The following IQCH variants were observed in gnomAD, a reference collection of about 807,000 sequenced individuals.
IQCH encodes the protein IQ domain-containing protein H.
In IQCH, 98 loss-of-function variants were observed where a neutral mutation model predicts 117.0. The ratio of observed to expected loss-of-function variants is 0.84; its 90% CI spans 0.71 to 0.99. IQCH has a LOEUF of 0.99. Among genes scored for constraint, IQCH ranks in the 50% least tolerant of loss-of-function variants. IQCH has a pLI of 0.00. For synonymous variants in IQCH, 412 were observed against 448.2 expected (o/e 0.92, Z 1.02); for missense variants, 1,102 against 1,243.8 (o/e 0.89, Z 1.72).
rs1023630393 is a variant in IQCH, at chr15:67,500,220, A to AT, written c.2971-409dup. Among the ~76,000 whole-genome samples, 1 of 152,174 alleles carries AT rather than the reference A, an allele frequency of 6.6e-6. No individual in the cohort carries two copies. The highest frequency in any genetic ancestry group is 2.4e-5 in the African/African-American group (1 of 41,450). On this transcript the variant is annotated intron_variant, in intron 20 of 20. Coordinates refer to ENST00000335894, the MANE Select transcript of IQCH (RefSeq NM_001031715.3). This position sits in a 1 kb window ranked among gnomAD's most constrained non-coding sequence, Gnocchi z 4.4. ...CCTTCCCATCAGCCTATTAGCCCTCATTTTAGGGTGACTAGACCAATGCTT... is the reference window on the plus strand; with the variant it reads ...CCTTCCCATCAGCCTATTAGCCCTCATTTTTAGGGTGACTAGACCAATGCTT...
intron 4 of IQCH, among the ~76,000 whole-genome samples, chr15:67,320,356 A>G (rs1968056268): frequency 6.6e-6 from 1 of 151,668 alleles, no homozygotes; most frequent in African/African-American, 2.4e-5. Flanking sequence ...ACTCATTCCC[A>G]AAGTCTTTCT....
chr15:67,404,435 G>A lies in IQCH; in HGVS notation c.2097+4130G>A, dbSNP rs1971799743. The stretch of plus-strand genomic sequence containing the variant: ...ATGGCAGAGCTCGTTGTCCCGTCTA[G>A]AATTTAGTAGGTATTTATTAGGTGA... On this transcript the variant is annotated intron_variant, in intron 14 of 20. Transcript: ENST00000335894. The surrounding 1 kb of genome is among the most constrained non-coding windows in gnomAD (Gnocchi z 4.6). 6.6e-6 allele frequency: 1 copy of A among 152,144 alleles called. No individual in the cohort carries two copies. Among genetic ancestry groups the A allele is most frequent in the Admixed American group, 6.5e-5 (1 of 15,270 alleles). 9.4% of individuals were successfully genotyped at this position (152,144 alleles called of 1,614,324 possible).
At chr15:67,319,878 A>C (rs1435723887) in intron 4 of IQCH, among the ~76,000 whole-genome samples, 1 of 152,258 alleles carries the variant, frequency 6.6e-6, no homozygotes, top group African/African-American at 2.4e-5. Flanking sequence ...TCTTACACAC[A>C]TACATACACA....
Position 67,372,339 on chromosome 15 carries a change from CT to C in IQCH, c.984del (p.Pro329GlnfsTer5). ...AAAAGGGAATAATTTGGTGGCCCTC[CT>C]TCCAGAGTTTGAGCTGACGAATAAA... is the stretch of plus-strand genomic sequence containing the variant. ...KIKGNNLVAL[L>X]PEFELTNKLT... On this transcript the variant is annotated frameshift_variant, in exon 9 of 21. Transcript: ENST00000335894. LOFTEE classifies it high-confidence loss of function. 6.2e-7 allele frequency: 1 copy of C among 1,614,028 alleles called. No individual in the cohort carries two copies. The highest frequency in any genetic ancestry group is 8.5e-7 in the Non-Finnish European group (1 of 1,180,000).
Position 67,321,625 on chromosome 15 carries a change from C to T in IQCH, c.388-15350C>T, listed in dbSNP as rs1344556125. Among the ~76,000 whole-genome samples, 19 of 145,792 alleles carry T rather than the reference C, an allele frequency of 1.3e-4. 1 individual carries two copies. In the Admixed American group the frequency reaches 1.4e-3, roughly 11 times the overall value. ...TCTTTCCTTTCCCTCTCTTCTCTTT[C>T]TTTTTCTTCTGTGTTCTCTCTTTTT... On this transcript the variant is annotated intron_variant, in intron 4 of 20. Coordinates refer to ENST00000335894, the MANE Select transcript of IQCH (RefSeq NM_001031715.3).
At chr15:67,361,119 A>G (rs1970112349) in intron 8 of IQCH, among the ~76,000 whole-genome samples, 1 of 152,222 alleles carries the variant, frequency 6.6e-6, no homozygotes, top group Non-Finnish European at 1.5e-5. Flanking sequence ...CTCAGTTGGT[A>G]AAAGGGTGCA....
At chr15:67,373,681 T>G (rs1970641180) in intron 10 of IQCH, 7 of 593,300 alleles carry the variant, frequency 1.2e-5, no homozygotes, top group Non-Finnish European at 1.8e-5. Flanking sequence ...GTAATTCGCT[T>G]TCATCTGTAT....
rs768615203 is a variant in IQCH, at chr15:67,408,716, G to A, written c.2098-8215G>A. Reference sequence around the variant, plus strand: ...GAAAAATCAAGTTCAAAGGGCACATGTGTTTCCTTTTGTTTTTAATTTTCA... The same window carrying A: ...GAAAAATCAAGTTCAAAGGGCACATATGTTTCCTTTTGTTTTTAATTTTCA... On this transcript the variant is annotated intron_variant, in intron 14 of 20. Transcript: ENST00000335894. The surrounding 1 kb of genome is among the most constrained non-coding windows in gnomAD (Gnocchi z 4.2). Among the ~76,000 whole-genome samples the A allele has an allele frequency of 6.6e-6, 1 of 152,140 alleles. No individual in the cohort carries two copies. Among genetic ancestry groups the A allele is most frequent in the Non-Finnish European group, 1.5e-5 (1 of 68,032 alleles).
At chr15:67,415,920 A>G (rs190404159) in intron 14 of IQCH, among the ~76,000 whole-genome samples, 41 of 152,280 alleles carry the variant, frequency 2.7e-4, no homozygotes, top group African/African-American at 9.9e-4. Flanking sequence ...AGAATTAGCC[A>G]TGCATGGTGG....
rs2082699996 is a variant in IQCH, at chr15:67,458,023, G to A, written c.2506-7104G>A. ...CAATCCAGGAGAATCTTGAGCCCCA[G>A]GCCCAGAAGTGAGAGCAGAGAAAAA... On this transcript the variant is annotated intron_variant, in intron 16 of 20. Transcript: ENST00000335894. The surrounding 1 kb of genome is among the most constrained non-coding windows in gnomAD (Gnocchi z 4.1). 6.6e-6 allele frequency among the ~76,000 whole-genome samples: 1 copy of A among 152,196 alleles called. No homozygotes were observed. Among genetic ancestry groups the A allele is most frequent in the South Asian group, 2.1e-4 (1 of 4,830 alleles).
chr15:67,424,141 A>G lies in IQCH; in HGVS notation c.2505+2564A>G, dbSNP rs2081825734. Among the ~76,000 whole-genome samples, 1 of 152,030 alleles carries G rather than the reference A, an allele frequency of 6.6e-6. No homozygotes were observed. Among genetic ancestry groups the G allele is most frequent in the South Asian group, 2.1e-4 (1 of 4,810 alleles). On this transcript the variant is annotated intron_variant, in intron 16 of 20. Coordinates refer to ENST00000335894, the MANE Select transcript of IQCH (RefSeq NM_001031715.3). This position sits in a 1 kb window ranked among gnomAD's most constrained non-coding sequence, Gnocchi z 4.9. ...TACCTGGCCAGTCTTGTCTCACCCT[A>G]ACTTGCCCTCTGTTTTGTTCTGGTC...
Position 67,376,388 on chromosome 15 carries a change from T to C in IQCH, c.1372+2955T>C, listed in dbSNP as rs546124722. Among the ~76,000 whole-genome samples, 13 of 152,346 alleles carry C rather than the reference T, an allele frequency of 8.5e-5. No individual in the cohort carries two copies. The highest frequency in any genetic ancestry group is 3.1e-4 in the African/African-American group (13 of 41,572). Reference sequence around the variant, plus strand: ...TGGAAGAAAACTAATCTATTCAATCTAGTAATTTCATTTCCAAAGTTGAGA... The same window carrying C: ...TGGAAGAAAACTAATCTATTCAATCCAGTAATTTCATTTCCAAAGTTGAGA... On this transcript the variant is annotated intron_variant, in intron 10 of 20. Transcript: ENST00000335894. This position sits in a 1 kb window ranked among gnomAD's most constrained non-coding sequence, Gnocchi z 5.0.
chr15:67,438,725 C>T (rs1378768610), intron 16 of IQCH, among the ~76,000 whole-genome samples: 2 of 152,188 alleles, frequency 1.3e-5, no homozygotes, highest in Admixed American at 6.5e-5. Context: ...GCATTTCATG[C>T]AACCGGACAC....
chr15:67,385,021 T>C lies in IQCH; in HGVS notation c.1456+2T>C. On this transcript the variant is annotated splice_donor_variant, in intron 11 of 20. Coordinates refer to ENST00000335894, the MANE Select transcript of IQCH (RefSeq NM_001031715.3). LOFTEE classifies it high-confidence loss of function. This position sits in a 1 kb window ranked among gnomAD's most constrained non-coding sequence, Gnocchi z 4.6. ...TGGGGAGGCTGTGTGACATCTTAGG[T>C]ACAGTAAATAGTTTTACACAAATGA... The C allele has an allele frequency of 6.4e-7, 1 of 1,569,376 alleles. No individual in the cohort carries two copies. Among genetic ancestry groups the C allele is most frequent in the Non-Finnish European group, 8.8e-7 (1 of 1,139,776 alleles).
At chr15:67,348,187 G>A (rs1969490968) in intron 6 of IQCH, among the ~76,000 whole-genome samples, 2 of 152,014 alleles carry the variant, frequency 1.3e-5, no homozygotes. Flanking sequence ...CTAAGATCAG[G>A]AACAAGACAT....
At chr15:67,281,598 A>G (rs1966359310) in intron 4 of IQCH, 1 of 424,608 alleles carries the variant, frequency 2.4e-6, no homozygotes, top group East Asian at 7.2e-5. Flanking sequence ...TCAGTCGTTT[A>G]AAGGTATCAG....
intron 6 of IQCH, among the ~76,000 whole-genome samples, chr15:67,352,168 C>T (rs945339356): frequency 3.9e-5 from 6 of 152,090 alleles, no homozygotes; most frequent in African/African-American, 1.4e-4. Context: ...CTTATTTTCA[C>T]ATGCATATAT....
At chr15:67,347,814 GATATATATTT>G (rs1969468489) in intron 6 of IQCH, among the ~76,000 whole-genome samples, 6 of 141,160 alleles carry the variant, frequency 4.3e-5, no homozygotes, top group Non-Finnish European at 6.1e-5. Flanking sequence ...TATATATATA[GATATATATTT>G]ATATATAGAT....
chr15:67,434,006 A>G (rs560021935), intron 16 of IQCH, among the ~76,000 whole-genome samples: 15 of 152,342 alleles, frequency 9.8e-5, no homozygotes, highest in Non-Finnish European at 1.5e-4. Flanking sequence ...TGATATTTCA[A>G]TATAATATAC....
Sources: allele counts gnomAD v4.1 joint callset (sites outside exome capture counted in the v4.1 genomes callset), GRCh38; gene constraint gnomAD v4.1.1; non-coding constraint Gnocchi (gnomAD v3.1); transcripts MANE v1.5; gene names NCBI Gene and HGNC (gene_info 2026-07-23, HGNC 2026-07-21).